Variants in XG observed in about 807,000 individuals in gnomAD.
XG encodes Xg glycoprotein (Xg blood group).
In XG, 24 loss-of-function variants were observed where a neutral mutation model predicts 25.7. That is an observed-to-expected ratio of 0.93 (90% CI 0.68 to 1.31). The LOEUF (loss-of-function observed/expected upper bound fraction) is 1.31. Among genes scored for constraint, XG ranks in the 40% most tolerant of loss-of-function variants. The pLI is 0.00. For missense variants in XG, 181 were observed against 187.6 expected (o/e 0.96, Z 0.21); for synonymous variants, 77 against 69.2 (o/e 1.11, Z -0.56).
chrX:2,797,961 G>T (rs2086900860), intron 7 of XG, among the ~76,000 whole-genome samples: 1 of 111,978 alleles, frequency 8.9e-6, no homozygotes, highest in Non-Finnish European at 1.9e-5. Flanking sequence ...GATCACTTGA[G>T]CCCAGGAGGT....
intron 2 of XG, among the ~76,000 whole-genome samples, chrX:2,773,323 G>A (rs1026910661): frequency 6.8e-5 from 10 of 146,236 alleles, no homozygotes; most frequent in African/African-American, 2.5e-4. Flanking sequence ...AAGGAGGGGG[G>A]AAGGAAAGAA....
At position 2,800,168 on chromosome X, in the gene XG, C is replaced by T. The variant is rs188771480; in HGVS notation, c.373+2808C>T. Among the ~76,000 whole-genome samples, 5 of 111,572 alleles carry T rather than the reference C, an allele frequency of 4.5e-5. No individual in the cohort carries two copies. In the East Asian group the frequency reaches 1.4e-3, roughly 32 times the overall value. ...GGTGACGTTGGTAAAGCAGGTTTAA[C>T]GGGTGGCAAGCCAGGTGATGAGAGG... On this transcript the variant is annotated intron_variant, in intron 7 of 10. Coordinates refer to ENST00000644266, the MANE Select transcript of XG (RefSeq NM_001141919.2).
At chrX:2,801,839 G>GC (rs775381369) in intron 7 of XG, among the ~76,000 whole-genome samples, 1 of 111,028 alleles carries the variant, frequency 9.0e-6, no homozygotes, top group Admixed American at 9.5e-5. Context: ...CTCCCGAGTA[G>GC]CTGGGACTAC....
chrX:2,752,582 A>G (rs183111620), intron 1 of XG, among the ~76,000 whole-genome samples: 2 of 152,286 alleles, frequency 1.3e-5, no homozygotes, highest in Non-Finnish European at 2.9e-5. Flanking sequence ...GATATTCGCC[A>G]TATTTTCCTG....
chrX:2,756,616 T>C (rs2050440536), intron 1 of XG, among the ~76,000 whole-genome samples: 1 of 152,176 alleles, frequency 6.6e-6, no homozygotes, highest in Non-Finnish European at 1.5e-5. Context: ...AAAGGATATA[T>C]GTCCAGGATA....
At position 2,789,777 on chromosome X, in the gene XG, A is replaced by C. The variant is rs771505125; in HGVS notation, c.253+71A>C. 1.5e-3 allele frequency: 804 copies of C among 540,290 alleles called. 6 individuals are homozygous for C. The African/African-American group carries it at 0.019, about 13-fold the overall frequency. 44.5% of individuals were successfully genotyped at this position (540,290 alleles called of 1,213,427 possible). On this transcript the variant is annotated intron_variant, in intron 5 of 10. Transcript: ENST00000644266. ...TTATTTTACTATTTTATTTGATTCTATGTTATTTTACTTTATTTTACCATT... is the reference window on the plus strand; with the variant it reads ...TTATTTTACTATTTTATTTGATTCTCTGTTATTTTACTTTATTTTACCATT...
chrX:2,771,940 G>A (rs946276495), intron 2 of XG, among the ~76,000 whole-genome samples: 5 of 152,188 alleles, frequency 3.3e-5, no homozygotes, highest in Non-Finnish European at 4.4e-5. Context: ...TAGAAAAGGT[G>A]AAGGTTGAAT....
intron 2 of XG, among the ~76,000 whole-genome samples, chrX:2,771,887 A>G (rs942970458): frequency 6.6e-6 from 1 of 152,192 alleles, no homozygotes. Flanking sequence ...AGGAAAATGT[A>G]ATGACTCACC....
At chrX:2,753,881 C>G (rs901193759) in intron 1 of XG, among the ~76,000 whole-genome samples, 1 of 152,102 alleles carries the variant, frequency 6.6e-6, no homozygotes, top group Non-Finnish European at 1.5e-5. Flanking sequence ...CGGCCCCATA[C>G]AGCCATTCTG....
intron 7 of XG, among the ~76,000 whole-genome samples, chrX:2,802,789 C>T (rs1262744892): frequency 9.0e-6 from 1 of 110,652 alleles, no homozygotes. Flanking sequence ...TTGTGGCCTC[C>T]GGCTGCATGG....
At chrX:2,770,016 T>TGGGGGGGG (rs1201452154) in intron 1 of XG, among the ~76,000 whole-genome samples, 1 of 45,576 alleles carries the variant, frequency 2.2e-5, no homozygotes, top group Non-Finnish European at 4.3e-5. Flanking sequence ...TGTGCGTGTG[T>TGGGGGGGG]GGAGGGGTGG....
At chrX:2,809,108 A>C (rs1282689815) in intron 9 of XG, among the ~76,000 whole-genome samples, 1 of 111,339 alleles carries the variant, frequency 9.0e-6, no homozygotes, top group African/African-American at 3.3e-5. Context: ...ACAATATCCA[A>C]GCCAATCCCC....
At chrX:2,763,954 G>A (rs1482799123) in intron 1 of XG, among the ~76,000 whole-genome samples, 2 of 152,190 alleles carry the variant, frequency 1.3e-5, no homozygotes, top group Non-Finnish European at 2.9e-5. Context: ...AAATGAGGCC[G>A]AGAGCTGCCG....
At chrX:2,790,428 A>G in intron 5 of XG, among the ~76,000 whole-genome samples, 1 of 108,719 alleles carries the variant, frequency 9.2e-6, no homozygotes, top group Non-Finnish European at 1.9e-5. Flanking sequence ...TGAACCCGCA[A>G]AGCGGAGGCT....
intron 1 of XG, among the ~76,000 whole-genome samples, chrX:2,762,221 G>A (rs189563029): frequency 8.6e-4 from 131 of 152,248 alleles, no homozygotes; most frequent in Admixed American, 2.7e-3. Flanking sequence ...CCTCTTCGAC[G>A]ACAAAATACT....
At chrX:2,778,625 G>T (rs116169667) in intron 3 of XG, among the ~76,000 whole-genome samples, 3,045 of 152,238 alleles carry the variant, frequency 0.02, 91 homozygotes, top group African/African-American at 0.069. Flanking sequence ...GTTCAGAAGG[G>T]TTTGAAACAG....
At chrX:2,791,069 TG>T (rs745732243) in intron 5 of XG, among the ~76,000 whole-genome samples, 79 of 110,597 alleles carry the variant, frequency 7.1e-4, no homozygotes, top group Middle Eastern at 9.4e-3. Context: ...TTTTTTTTTT[TG>T]TTGGTCTGTG....
In XG at chrX:2,787,907, CAA is replaced by C. The variant is rs61601632; in HGVS notation, c.191-1719_191-1718del. On this transcript the variant is annotated intron_variant, in intron 4 of 10. Transcript: ENST00000644266. ...GGGCAACAACAGCAAAACTCCTTCTCAAAAAAAAAAAAAAAAAAAGAGAGTCT... is the reference window on the plus strand; with the variant it reads ...GGGCAACAACAGCAAAACTCCTTCTCAAAAAAAAAAAAAAAAAGAGAGTCT... Among the ~76,000 whole-genome samples, 298 of 50,762 alleles carry C rather than the reference CAA, an allele frequency of 5.9e-3. 3 individuals are homozygous for C. Among genetic ancestry groups the C allele is most frequent in the African/African-American group, 0.017 (259 of 14,940 alleles). 44.1% of individuals were successfully genotyped at this position (50,762 alleles called of 115,157 possible). A position where few individuals can be genotyped will look rare whatever the true frequency, so the allele number is the denominator to read the frequency against.
rs376090044 is a variant in XG, at chrX:2,786,033, T to C, written c.191-3611T>C. ...TTTCTCCGGATGGCTCCAGGCATGC[T>C]TGGAGCCCAGTGGTCTCTTTCCCTT... On this transcript the variant is annotated intron_variant, in intron 4 of 10. Transcript: ENST00000644266. Among the ~76,000 whole-genome samples the C allele has an allele frequency of 8.2e-5, 9 of 110,410 alleles. No individual in the cohort carries two copies. The East Asian group carries it at 1.7e-3, about 21-fold the overall frequency.
Sources: gnomAD v4.1 joint callset for allele counts (sites outside exome capture counted in the v4.1 genomes callset) on GRCh38, gnomAD v4.1.1 for gene constraint, MANE v1.5 for transcripts, NCBI Gene and HGNC (gene_info 2026-07-23, HGNC 2026-07-21) for gene names.